The following PPP2R2A variants were observed in gnomAD, a reference collection of about 807,000 sequenced individuals.
PPP2R2A encodes the protein serine/threonine-protein phosphatase 2A 55 kDa regulatory subunit B alpha isoform.
Under a neutral mutation model 53.2 loss-of-function variants are expected in PPP2R2A, and 9 were observed. The observed-to-expected ratio is 0.17, with a 90% CI of 0.10 to 0.30. The LOEUF is 0.30. PPP2R2A is among the 10% of genes least tolerant of loss of function. The pLI, the probability that PPP2R2A is intolerant of heterozygous loss-of-function variation, is 1.00. For missense variants in PPP2R2A, 235 were observed against 534.6 expected, an observed-to-expected ratio of 0.44 and a Z score of 5.53; for synonymous variants, 169 against 174.2, an observed-to-expected ratio of 0.97 and a Z score of 0.23.
Position 26,360,349 on chromosome 8 carries a change from C to T in PPP2R2A, c.459+68C>T. ...CATATTATATAGCCCAAATCCTGAGCAGAGCTTGAATAGGAATAATTACAG... is the reference window on the plus strand; with the variant it reads ...CATATTATATAGCCCAAATCCTGAGTAGAGCTTGAATAGGAATAATTACAG... On this transcript the variant is annotated intron_variant, in intron 5 of 9. Coordinates refer to ENST00000380737, the MANE Select transcript of PPP2R2A (RefSeq NM_002717.4). The surrounding 1 kb of genome is among the most constrained non-coding windows in gnomAD (Gnocchi z 4.5). 1.1e-6 allele frequency: 1 copy of T among 884,654 alleles called. No homozygotes were observed. The highest frequency in any genetic ancestry group is 1.8e-6 in the Non-Finnish European group (1 of 564,042). 54.8% of individuals were successfully genotyped at this position (884,654 alleles called of 1,614,324 possible).
intron 2 of PPP2R2A, among the ~76,000 whole-genome samples, chr8:26,328,895 A>C (rs1803227896): frequency 6.6e-6 from 1 of 152,214 alleles, no homozygotes; most frequent in Non-Finnish European, 1.5e-5. Flanking sequence ...ACTACAAGTG[A>C]TCTTTAAAAA....
intron 1 of PPP2R2A, among the ~76,000 whole-genome samples, chr8:26,292,950 C>T (rs559223524): frequency 6.6e-6 from 1 of 152,268 alleles, no homozygotes; most frequent in South Asian, 2.1e-4. Context: ...TTGCTATAAA[C>T]AAGTTGCTTG....
At chr8:26,368,270 A>G (rs1460488537) in intron 9 of PPP2R2A, among the ~76,000 whole-genome samples, 2 of 152,230 alleles carry the variant, frequency 1.3e-5, no homozygotes, top group Non-Finnish European at 2.9e-5. Context: ...CTAAATAGAT[A>G]ATAATTTGTA....
intron 2 of PPP2R2A, among the ~76,000 whole-genome samples, chr8:26,323,624 A>G (rs372671592): frequency 3.3e-5 from 5 of 152,306 alleles, no homozygotes; most frequent in African/African-American, 1.2e-4. Context: ...AGGGCATTTT[A>G]AAGGATACAA....
At chr8:26,292,591 G>A (rs1801353156) in intron 1 of PPP2R2A, 1 of 452,084 alleles carries the variant, frequency 2.2e-6, no homozygotes, top group Non-Finnish European at 2.9e-6. Flanking sequence ...AGAGATTTAG[G>A]TAGAAGCTTT....
Position 26,321,548 on chromosome 8 carries a change from G to C in PPP2R2A, c.83-17342G>C, listed in dbSNP as rs912933947. Among the ~76,000 whole-genome samples, 1 of 152,182 alleles carries C rather than the reference G, an allele frequency of 6.6e-6. No homozygotes were observed. Among genetic ancestry groups the C allele is most frequent in the Non-Finnish European group, 1.5e-5 (1 of 68,030 alleles). On this transcript the variant is annotated intron_variant, in intron 2 of 9. Transcript: ENST00000380737. This position sits in a 1 kb window ranked among gnomAD's most constrained non-coding sequence, Gnocchi z 4.1. ...ACAGAAAGGTTTTGGCATCCATGTT[G>C]GGCTGCCCTATTTCACTTGCTGAGG...
intron 8 of PPP2R2A, 114 bp from the exon 9 acceptor site, chr8:26,366,201 G>T: frequency 2.7e-6 from 2 of 749,044 alleles, no homozygotes; most frequent in East Asian, 5.7e-5. Context: ...GAGATTAATA[G>T]GTTTAAAAGG....
chr8:26,344,455 G>C (rs1297515300), intron 3 of PPP2R2A, among the ~76,000 whole-genome samples: 1 of 152,158 alleles, frequency 6.6e-6, no homozygotes, highest in African/African-American at 2.4e-5. Context: ...AGGAAAATCA[G>C]TCTCATTACT....
At chr8:26,352,257 C>T (rs966529220) in intron 3 of PPP2R2A, among the ~76,000 whole-genome samples, 10 of 152,064 alleles carry the variant, frequency 6.6e-5, no homozygotes, top group Non-Finnish European at 1.2e-4. Flanking sequence ...GTTGAGTATG[C>T]GGTTATGTGT....
In PPP2R2A at chr8:26,334,744, C is replaced by CA. The variant is rs910946227; in HGVS notation, c.83-4137dup. Reference sequence around the variant, plus strand: ...TGGGCGGCAGAGTAAGACTCCATCTCAAAAAAAAACAAAAAACAAAAACAA... The same window carrying CA: ...TGGGCGGCAGAGTAAGACTCCATCTCAAAAAAAAAACAAAAAACAAAAACAA... On this transcript the variant is annotated intron_variant, in intron 2 of 9. Coordinates refer to ENST00000380737, the MANE Select transcript of PPP2R2A (RefSeq NM_002717.4). Among the ~76,000 whole-genome samples the CA allele has an allele frequency of 3.9e-4, 57 of 147,390 alleles. 1 individual carries two copies. The highest frequency in any genetic ancestry group is 1.8e-3 in the East Asian group (9 of 5,050).
chr8:26,326,744 T>A lies in PPP2R2A; in HGVS notation c.83-12146T>A, dbSNP rs546536229. Among the ~76,000 whole-genome samples, 215 of 152,304 alleles carry A rather than the reference T, an allele frequency of 1.4e-3. 2 individuals carry two copies. Among genetic ancestry groups the A allele is most frequent in the African/African-American group, 4.5e-3 (187 of 41,556 alleles). ...TACTTAATAAGGCCACTGAATGAGG[T>A]GGTTTGCTTTTGTGAAGTTAATTAG... On this transcript the variant is annotated intron_variant, in intron 2 of 9. Coordinates refer to ENST00000380737, the MANE Select transcript of PPP2R2A (RefSeq NM_002717.4).
At chr8:26,308,447 T>A (rs1383981479) in intron 2 of PPP2R2A, among the ~76,000 whole-genome samples, 1 of 152,252 alleles carries the variant, frequency 6.6e-6, no homozygotes, top group Non-Finnish European at 1.5e-5. Flanking sequence ...TTATATAATA[T>A]TCTAAATTTT....
intron 4 of PPP2R2A, among the ~76,000 whole-genome samples, chr8:26,358,289 A>C (rs3808568): frequency 0.064 from 9,735 of 152,112 alleles, 483 homozygotes; most frequent in East Asian, 0.26. Flanking sequence ...AGACAACTGG[A>C]CCAGGGGGCG....
In PPP2R2A at chr8:26,360,421, G is replaced by A. The variant is rs533214011; in HGVS notation, c.459+140G>A. ...ATTCTGTAATCAGGTAGGACATTGAGTAACTCATTTAAACATAGAAACTGA... is the reference window on the plus strand; with the variant it reads ...ATTCTGTAATCAGGTAGGACATTGAATAACTCATTTAAACATAGAAACTGA... On this transcript the variant is annotated intron_variant, in intron 5 of 9. Coordinates refer to ENST00000380737, the MANE Select transcript of PPP2R2A (RefSeq NM_002717.4). The surrounding 1 kb of genome is among the most constrained non-coding windows in gnomAD (Gnocchi z 4.5). 2.3e-5 allele frequency: 12 copies of A among 523,004 alleles called. No individual in the cohort carries two copies. The African/African-American group carries it at 2.3e-4, about 10-fold the overall frequency. 32.4% of individuals were successfully genotyped at this position (523,004 alleles called of 1,614,324 possible). A position where few individuals can be genotyped will look rare whatever the true frequency, so the allele number is the denominator to read the frequency against.
At chr8:26,322,423 G>A (rs1315492125) in intron 2 of PPP2R2A, among the ~76,000 whole-genome samples, 4 of 152,188 alleles carry the variant, frequency 2.6e-5, no homozygotes, top group Non-Finnish European at 4.4e-5. Flanking sequence ...ATCGTAGGAA[G>A]TTTTGATGGA....
chr8:26,333,895 GAC>G (rs1803513896), intron 2 of PPP2R2A, among the ~76,000 whole-genome samples: 1 of 152,174 alleles, frequency 6.6e-6, no homozygotes, highest in African/African-American at 2.4e-5. Context: ...CCTGGGTGCT[GAC>G]AGTTTAGAAA....
chr8:26,365,224 A>T (rs577343439), intron 8 of PPP2R2A: 1 of 152,372 alleles, frequency 6.6e-6, no homozygotes, highest in South Asian at 2.1e-4. Context: ...AATGTATCAT[A>T]TATAGATAAA....
Position 26,354,336 on chromosome 8 carries a change from C to G in PPP2R2A, c.181-132C>G. The G allele has an allele frequency of 1.6e-6, 1 of 637,460 alleles. No homozygotes were observed. The allele number at this position is 637,460 out of a possible 1,614,324, so 39.5% of individuals were successfully genotyped here. On this transcript the variant is annotated intron_variant, in intron 3 of 9. Transcript: ENST00000380737. The surrounding 1 kb of genome is among the most constrained non-coding windows in gnomAD (Gnocchi z 4.6). Reference sequence around the variant, plus strand: ...TGAAGGCCTTTAGAAATATAAAAAACAGAATGTAATTGTATAAAGACACAA... The same window carrying G: ...TGAAGGCCTTTAGAAATATAAAAAAGAGAATGTAATTGTATAAAGACACAA...
chr8:26,329,150 T>G (rs1803239900), intron 2 of PPP2R2A, among the ~76,000 whole-genome samples: 1 of 152,232 alleles, frequency 6.6e-6, no homozygotes, highest in Admixed American at 6.5e-5. Flanking sequence ...CCTAAGTGGT[T>G]GATTTAACCA....
Sources: allele counts gnomAD v4.1 joint callset (sites outside exome capture counted in the v4.1 genomes callset), GRCh38; gene constraint gnomAD v4.1.1; non-coding constraint Gnocchi (gnomAD v3.1); transcripts MANE v1.5; gene names NCBI Gene and HGNC (gene_info 2026-07-23, HGNC 2026-07-21).